TMEFF2: variants seen among roughly 807,000 people sequenced by gnomAD.
The protein encoded by TMEFF2 is transmembrane protein with EGF like and two follistatin like domains 2.
Under a neutral mutation model 53.8 loss-of-function variants are expected in TMEFF2, and 28 were observed. The observed-to-expected ratio is 0.52, with a 90% CI of 0.39 to 0.71. TMEFF2 has a LOEUF of 0.71. Among genes scored for constraint, TMEFF2 ranks in the 30% least tolerant of loss-of-function variants. The pLI is 0.00. For missense variants in TMEFF2, 353 were observed against 455.2 expected (o/e 0.78, Z 2.04); for synonymous variants, 162 against 166.3 (o/e 0.97, Z 0.20).
chr2:192,172,090 G>A (rs1215686572), intron 4 of TMEFF2, among the ~76,000 whole-genome samples: 1 of 151,906 alleles, frequency 6.6e-6, no homozygotes, highest in Non-Finnish European at 1.5e-5. Context: ...TTTGGGAACT[G>A]CTCACATCTA....
intron 4 of TMEFF2, among the ~76,000 whole-genome samples, chr2:192,092,186 T>C (rs917942360): frequency 6.6e-6 from 1 of 152,086 alleles, no homozygotes; most frequent in Non-Finnish European, 1.5e-5. Context: ...TCTGATTGAA[T>C]GAGTGGAAAA....
intron 5 of TMEFF2, among the ~76,000 whole-genome samples, chr2:192,048,623 G>C (rs906178810): frequency 1.3e-5 from 2 of 151,874 alleles, no homozygotes; most frequent in Non-Finnish European, 2.9e-5. Flanking sequence ...ATACAGCAGG[G>C]CATTTAATCT....
chr2:192,045,040 A>T (rs1306371767), intron 5 of TMEFF2, among the ~76,000 whole-genome samples: 1 of 152,138 alleles, frequency 6.6e-6, no homozygotes. Flanking sequence ...ACCCACTCCT[A>T]TTACAGGACC....
chr2:192,117,438 T>C (rs1020056549), intron 4 of TMEFF2, among the ~76,000 whole-genome samples: 5 of 152,148 alleles, frequency 3.3e-5, no homozygotes, highest in African/African-American at 1.2e-4. Flanking sequence ...TGGTAATTTA[T>C]TTAATGGGAT....
At chr2:192,166,824 G>T (rs1396761934) in intron 4 of TMEFF2, among the ~76,000 whole-genome samples, 1 of 152,032 alleles carries the variant, frequency 6.6e-6, no homozygotes, top group Non-Finnish European at 1.5e-5. Flanking sequence ...TCATTGTCAG[G>T]TATTCTTTTA....
intron 4 of TMEFF2, among the ~76,000 whole-genome samples, chr2:192,165,770 T>C (rs1673232520): frequency 1.3e-5 from 2 of 152,036 alleles, no homozygotes; most frequent in African/African-American, 4.8e-5. Flanking sequence ...TTAGAGACTT[T>C]GTCAAAAAGA....
At chr2:192,057,912 G>A in intron 4 of TMEFF2, 137 bp from the exon 5 acceptor site, 1 of 664,504 alleles carries the variant, frequency 1.5e-6, no homozygotes, top group South Asian at 1.9e-5. Flanking sequence ...AATGTCAAAA[G>A]CAACTCTTTT....
chr2:192,152,846 A>G (rs187489798), intron 4 of TMEFF2, among the ~76,000 whole-genome samples: 1 of 152,032 alleles, frequency 6.6e-6, no homozygotes, highest in East Asian at 1.9e-4. Flanking sequence ...TCTAACTATT[A>G]TAATAACCAA....
chr2:192,073,756 C>T (rs919327766), intron 4 of TMEFF2, among the ~76,000 whole-genome samples: 5 of 151,942 alleles, frequency 3.3e-5, no homozygotes, highest in African/African-American at 9.7e-5. Flanking sequence ...ATGTATAATA[C>T]ATTAACCATT....
At chr2:192,135,910 C>A (rs1041814960) in intron 4 of TMEFF2, among the ~76,000 whole-genome samples, 1 of 151,732 alleles carries the variant, frequency 6.6e-6, no homozygotes, top group Non-Finnish European at 1.5e-5. Flanking sequence ...ACCTTGTGAC[C>A]CCCGCCCCTG....
At chr2:191,992,667 GTTTATT>G (rs576073438) in intron 7 of TMEFF2, 42 of 152,030 alleles carry the variant, frequency 2.8e-4, no homozygotes, top group African/African-American at 9.9e-4. Flanking sequence ...TTTACTTTCT[GTTTATT>G]TTTATTTTTT....
intron 4 of TMEFF2, among the ~76,000 whole-genome samples, chr2:192,074,125 A>G (rs1688354685): frequency 6.6e-6 from 1 of 151,926 alleles, no homozygotes; most frequent in Admixed American, 6.6e-5. Flanking sequence ...TTATTTTCTG[A>G]CCTCAAATCT....
chr2:192,052,578 G>C (rs1185022813), intron 5 of TMEFF2, among the ~76,000 whole-genome samples: 1 of 152,152 alleles, frequency 6.6e-6, no homozygotes, highest in African/African-American at 2.4e-5. Context: ...AATGCTATCA[G>C]ATGGAGCTTT....
rs71033662 is a variant in TMEFF2, at chr2:192,164,978, CTG to C, written c.439+14688_439+14689del. Among the ~76,000 whole-genome samples the C allele has an allele frequency of 4.9e-3, 715 of 144,900 alleles. 2 individuals carry two copies. Among genetic ancestry groups the C allele is most frequent in the African/African-American group, 8.2e-3 (323 of 39,320 alleles). On this transcript the variant is annotated intron_variant, in intron 4 of 9. Coordinates refer to ENST00000272771, the MANE Select transcript of TMEFF2 (RefSeq NM_016192.4). ...GCAGAATGAATACTCTGAATAAAAA[CTG>C]TGTGTGTGTGTGTGTGTGTGTGTGT...
intron 7 of TMEFF2, among the ~76,000 whole-genome samples, chr2:191,971,891 C>T (rs1692652377): frequency 6.6e-6 from 1 of 151,922 alleles, no homozygotes; most frequent in Non-Finnish European, 1.5e-5. Context: ...GCGTGGGATA[C>T]TAGAGAGGTG....
chr2:191,991,888 A>C (rs1574272382), intron 7 of TMEFF2, among the ~76,000 whole-genome samples: 1 of 152,138 alleles, frequency 6.6e-6, no homozygotes, highest in African/African-American at 2.4e-5. Flanking sequence ...ATAACCATGA[A>C]CATAACATAA....
chr2:191,955,755 A>G (rs1369779268), intron 8 of TMEFF2, among the ~76,000 whole-genome samples: 1 of 151,892 alleles, frequency 6.6e-6, no homozygotes, highest in Non-Finnish European at 1.5e-5. Context: ...GCACGGCTCC[A>G]TGGGAGAGCA....
chr2:192,062,962 G>A (rs964108858), intron 4 of TMEFF2, among the ~76,000 whole-genome samples: 8 of 9,188 alleles, frequency 8.7e-4, no homozygotes, highest in Middle Eastern at 0.056. Flanking sequence ...TATCTAGTCC[G>A]GGAGTGTTTT....
rs578202282 is a variant in TMEFF2, at chr2:191,977,452, AT to A, written c.745+20809del. Among the ~76,000 whole-genome samples, 296 of 152,216 alleles carry A rather than the reference AT, an allele frequency of 1.9e-3. 1 individual carries two copies. The highest frequency in any genetic ancestry group is 9.7e-3 in the Admixed American group (149 of 15,292). On this transcript the variant is annotated intron_variant, in intron 7 of 9. Coordinates refer to ENST00000272771, the MANE Select transcript of TMEFF2 (RefSeq NM_016192.4). ...GACAGTCAATTGTATTCAGTAATGA[AT>A]TTTTTTTAAAGGCTTGCATAGTTGA...
Sources: allele counts gnomAD v4.1 joint callset (sites outside exome capture counted in the v4.1 genomes callset), GRCh38; gene constraint gnomAD v4.1.1; transcripts MANE v1.5; gene names NCBI Gene and HGNC (gene_info 2026-07-23, HGNC 2026-07-21).